NDST1: variants seen among roughly 807,000 people sequenced by gnomAD.
NDST1 encodes N-deacetylase and N-sulfotransferase 1.
A neutral mutation model predicts 92.8 loss-of-function variants in NDST1; 35 were observed. The observed-to-expected ratio is 0.38, with a 90% CI of 0.29 to 0.50. NDST1 has a LOEUF of 0.50. Among genes scored for constraint, NDST1 ranks in the 20% least tolerant of loss-of-function variants. NDST1 has a pLI of 0.94. For missense variants in NDST1, 822 were observed against 1,182.7 expected (o/e 0.69, Z 4.47); for synonymous variants, 493 against 500.3 (o/e 0.99, Z 0.19).
Position 150,528,205 on chromosome 5 carries a change from C to T in NDST1, c.915C>T (p.Arg305=). 1 of 1,614,192 alleles carries T rather than the reference C, an allele frequency of 6.2e-7. No homozygotes were observed. The highest frequency in any genetic ancestry group is 8.5e-7 in the Non-Finnish European group (1 of 1,180,006). Residue 305 remains arginine (R), a synonymous_variant, in exon 3 of 15, where the codon CGC becomes CGT. Transcript: ENST00000261797. ...CCGTGGCCTTCCTCACGGGGAAGCGCCTCTCCCTGCCATTGGACCGCTACA... is the reference window on the plus strand; with the variant it reads ...CCGTGGCCTTCCTCACGGGGAAGCGTCTCTCCCTGCCATTGGACCGCTACA... ...VDAVAFLTGK[R]LSLPLDRYIL...
At chr5:150,535,671 T>C (rs761753818) in intron 5 of NDST1, 29 bp from the exon 6 acceptor site, 1 of 1,613,812 alleles carries the variant, frequency 6.2e-7, no homozygotes, top group Non-Finnish European at 8.5e-7. Context: ...ACCCCTATGC[T>C]CACCCTGGCC....
chr5:150,539,516 G>A (rs1755148011), intron 7 of NDST1, 160 bp downstream of exon 7: 2 of 1,527,334 alleles, frequency 1.3e-6, no homozygotes, highest in Non-Finnish European at 1.8e-6. Flanking sequence ...TGCCTCGGCT[G>A]TGTGACCTTG....
In NDST1 at chr5:150,549,772, A is replaced by G; in HGVS notation, c.2411A>G (p.Tyr804Cys). ...KFLGVTNTID[Y>C]HKTLAFDPKK... ...CTTGGGGTGACCAACACCATTGACTACCACAAAACCTTGGCGTGAGTGTTG... is the reference window on the plus strand; with the variant it reads ...CTTGGGGTGACCAACACCATTGACTGCCACAAAACCTTGGCGTGAGTGTTG... Residue 804 changes from tyrosine to cysteine, a missense_variant, in exon 13 of 15, where the codon TAC becomes TGC. Transcript: ENST00000261797. 1 of 1,609,766 alleles carries G rather than the reference A, an allele frequency of 6.2e-7. No individual in the cohort carries two copies. The highest frequency in any genetic ancestry group is 8.5e-7 in the Non-Finnish European group (1 of 1,176,006).
At position 150,554,587 on chromosome 5, in the gene NDST1, T is replaced by G. The variant is rs1353933815; in HGVS notation, c.*1255T>G. 6.6e-6 allele frequency: 1 copy of G among 152,580 alleles called. No individual in the cohort carries two copies. Among genetic ancestry groups the G allele is most frequent in the African/African-American group, 2.4e-5 (1 of 41,502 alleles). 9.5% of individuals were successfully genotyped at this position (152,580 alleles called of 1,614,324 possible). A position where few individuals can be genotyped will look rare whatever the true frequency, so the allele number is the denominator to read the frequency against. ...GGCTACCCCAGGTGAACAGAGGTGGTGAGATGCGCAGGGAAGACCAGCTCT... is the reference window on the plus strand; with the variant it reads ...GGCTACCCCAGGTGAACAGAGGTGGGGAGATGCGCAGGGAAGACCAGCTCT... On this transcript the variant is annotated 3_prime_UTR_variant, in exon 15 of 15. Coordinates refer to ENST00000261797, the MANE Select transcript of NDST1 (RefSeq NM_001543.5).
intron 1 of NDST1, among the ~76,000 whole-genome samples, chr5:150,509,184 G>A (rs1753602909): frequency 6.6e-6 from 1 of 152,192 alleles, no homozygotes; most frequent in Non-Finnish European, 1.5e-5. Flanking sequence ...CCTGTGCCTT[G>A]GAATCTCTCA....
In NDST1 at chr5:150,549,661, C is replaced by T. The variant is rs201172261; in HGVS notation, c.2317-17C>T. 6.0e-4 allele frequency: 933 copies of T among 1,557,134 alleles called. 1 individual carries two copies. Among genetic ancestry groups the T allele is most frequent in the Middle Eastern group, 1.3e-3 (8 of 5,946 alleles). On this transcript the variant is annotated splice_polypyrimidine_tract_variant and intron_variant, in intron 12 of 14. Coordinates refer to ENST00000261797, the MANE Select transcript of NDST1 (RefSeq NM_001543.5). ...CCGAAGTCAAAGCAGGTCCCGATCC[C>T]CTTTCTCCCTTTCCAGATTCTGGTC... is the stretch of plus-strand genomic sequence containing the variant.
intron 1 of NDST1, among the ~76,000 whole-genome samples, chr5:150,516,040 C>T (rs552743594): frequency 2.3e-5 from 3 of 132,110 alleles, no homozygotes; most frequent in East Asian, 5.2e-4. Context: ...CTGGGTTTTG[C>T]CATGGCCTTA....
rs751015921 is a variant in NDST1 at position 150,527,953 on chromosome 5, C to T, written c.663C>T (p.Pro221=). ...RPSEVEKGVL[P]GEDWTVFQSN... is the part of the protein sequence containing the mutation. ...GCGAGGTGGAGAAAGGTGTGCTCCC[C>T]GGCGAGGACTGGACGGTTTTCCAGT... Residue 221 remains proline (P), a synonymous_variant, in exon 3 of 15, where the codon CCC becomes CCT. Transcript: ENST00000261797. 15 of 1,614,016 alleles carry T rather than the reference C, an allele frequency of 9.3e-6. No individual in the cohort carries two copies. The highest frequency in any genetic ancestry group is 3.3e-5 in the South Asian group (3 of 91,072).
intron 9 of NDST1, among the ~76,000 whole-genome samples, chr5:150,542,406 G>A (rs1755285750): frequency 6.6e-6 from 1 of 152,174 alleles, no homozygotes; most frequent in Admixed American, 6.5e-5. Context: ...AGTTCTTTAA[G>A]AATTTCACAT....
intron 1 of NDST1, among the ~76,000 whole-genome samples, chr5:150,501,238 C>T (rs574090356): frequency 9.5e-4 from 144 of 152,306 alleles, no homozygotes; most frequent in African/African-American, 2.6e-3. Context: ...AAAGGGCAAG[C>T]GTAGCACCAG....
intron 10 of NDST1, among the ~76,000 whole-genome samples, chr5:150,543,255 T>TG (rs1186643940): frequency 1.3e-5 from 2 of 152,176 alleles, no homozygotes; most frequent in Non-Finnish European, 2.9e-5. Context: ...TCCTGAGTCT[T>TG]GGGGAGGAGA....
Position 150,521,615 on chromosome 5 carries a change from G to C in NDST1, c.361G>C (p.Asp121His). 6.2e-7 allele frequency: 1 copy of C among 1,614,046 alleles called. No individual in the cohort carries two copies. The highest frequency in any genetic ancestry group is 8.5e-7 in the Non-Finnish European group (1 of 1,180,030). Reference sequence around the variant, plus strand: ...CACAGAGATTGCGCCGGGCAAGGGTGACATGCCCACGCTCACTGACAAGGG... The same window carrying C: ...CACAGAGATTGCGCCGGGCAAGGGTCACATGCCCACGCTCACTGACAAGGG... Reference protein sequence around the residue: ...YRTEIAPGKGDMPTLTDKGRG... With the variant: ...YRTEIAPGKGHMPTLTDKGRG... The change falls in exon 2 of 15, where the codon GAC (aspartate) becomes CAC (histidine). Residue 121 changes from aspartate to histidine, a missense_variant. Physicochemically the swap from Asp to His is moderately conservative, Grantham distance 81. Coordinates refer to ENST00000261797, the MANE Select transcript of NDST1 (RefSeq NM_001543.5). This position sits in a 1 kb window ranked among gnomAD's most constrained non-coding sequence, Gnocchi z 5.9.
intron 1 of NDST1, among the ~76,000 whole-genome samples, chr5:150,499,017 T>G (rs530233814): frequency 1.3e-5 from 2 of 152,324 alleles, no homozygotes; most frequent in East Asian, 3.9e-4. Context: ...CAGAAGAGCC[T>G]TCTCCATCCT....
At chr5:150,523,102 A>G (rs1007720614) in intron 2 of NDST1, among the ~76,000 whole-genome samples, 1 of 152,248 alleles carries the variant, frequency 6.6e-6, no homozygotes, top group African/African-American at 2.4e-5. Context: ...AAGCTCTGCC[A>G]CTGAAAGGTA....
At chr5:150,540,446 G>T (rs1027065055) in intron 8 of NDST1, among the ~76,000 whole-genome samples, 182 bp downstream of exon 8, 3 of 152,146 alleles carry the variant, frequency 2.0e-5, no homozygotes, top group Non-Finnish European at 4.4e-5. Flanking sequence ...ACACATGCAT[G>T]CTCATACATG....
At chr5:150,532,454 G>A (rs1184602743) in intron 3 of NDST1, among the ~76,000 whole-genome samples, 3 of 152,192 alleles carry the variant, frequency 2.0e-5, no homozygotes, top group African/African-American at 7.2e-5. Context: ...GATCTGTGCA[G>A]CCACACAGAG....
Position 150,540,073 on chromosome 5 carries a change from CT to C in NDST1, c.1567-8del. 6.2e-7 allele frequency: 1 copy of C among 1,614,202 alleles called. No homozygotes were observed. The highest frequency in any genetic ancestry group is 8.5e-7 in the Non-Finnish European group (1 of 1,180,034). On this transcript the variant is annotated splice_polypyrimidine_tract_variant and splice_region_variant and intron_variant, in intron 7 of 14. Coordinates refer to ENST00000261797, the MANE Select transcript of NDST1 (RefSeq NM_001543.5). ...GGCCCTGCCTCTCTCCTCCCCTCCC[CT>C]GGAGCAGATCAGCATCTTCATGACG...
In NDST1 at chr5:150,546,312, T is replaced by G. The variant is rs78738166; in HGVS notation, c.2145+826T>G. 0.011 allele frequency among the ~76,000 whole-genome samples: 1,674 copies of G among 152,302 alleles called. 101 individuals are homozygous for G. In the East Asian group the frequency reaches 0.16, roughly 14 times the overall value. ...CGCCCAGCTGAACCAGAGCTCTCTT[T>G]AATGCCTATGGCCTGACTTAATTTC... On this transcript the variant is annotated intron_variant, in intron 11 of 14. Transcript: ENST00000261797.
At chr5:150,503,179 G>A (rs927315784), upstream of NDST1, among the ~76,000 whole-genome samples, 52 of 152,120 alleles carry the variant, frequency 3.4e-4, no homozygotes, top group Non-Finnish European at 1.8e-4. Context: ...GCAGTGACTC[G>A]TGCCTGTAAT....
Sources: allele counts gnomAD v4.1 joint callset (sites outside exome capture counted in the v4.1 genomes callset), GRCh38; gene constraint gnomAD v4.1.1; non-coding constraint Gnocchi (gnomAD v3.1); transcripts MANE v1.5; gene names NCBI Gene and HGNC (gene_info 2026-07-23, HGNC 2026-07-21).